The following DAZAP1 variants were observed in gnomAD, a reference collection of about 807,000 sequenced individuals.
DAZAP1 encodes the protein DAZ-associated protein 1.
DAZAP1 carries 6 observed loss-of-function variants against 60.1 expected under a neutral mutation model. The ratio of observed to expected loss-of-function variants is 0.10; its 90% CI spans 0.05 to 0.20. The LOEUF (loss-of-function observed/expected upper bound fraction) is 0.20. Among genes scored for constraint, DAZAP1 ranks in the 10% least tolerant of loss-of-function variants. DAZAP1 has a pLI of 1.00. For synonymous variants in DAZAP1, 235 were observed against 215.9 expected (o/e 1.09, Z -0.78); for missense variants, 366 against 560.4 (o/e 0.65, Z 3.50).
Position 1,433,534 on chromosome 19 carries a change from A to T in DAZAP1, c.1048+844A>T. 1.9e-6 allele frequency: 1 copy of T among 523,884 alleles called. No homozygotes were observed. The highest frequency in any genetic ancestry group is 3.4e-6 in the Non-Finnish European group (1 of 289,998). The allele number at this position is 523,884 out of a possible 1,614,324, so 32.5% of individuals were successfully genotyped here. ...CGAGGTGCCCGCCCACCCACCTCGC[A>T]TGGCTGTGGTTCCCCTGCCCCCACG... On this transcript the variant is annotated intron_variant, in intron 11 of 11. Coordinates refer to ENST00000233078, the MANE Select transcript of DAZAP1 (RefSeq NM_018959.4). The surrounding 1 kb of genome is among the most constrained non-coding windows in gnomAD (Gnocchi z 6.1).
chr19:1,421,488 C>G (rs1186097899), intron 5 of DAZAP1, among the ~76,000 whole-genome samples: 6 of 152,288 alleles, frequency 3.9e-5, no homozygotes, highest in African/African-American at 1.4e-4. Context: ...GTGAACCAGC[C>G]TGACAGCCTT....
intron 9 of DAZAP1, 43 bp from the exon 10 acceptor site, chr19:1,430,179 G>T: frequency 6.3e-7 from 1 of 1,578,982 alleles, no homozygotes. Flanking sequence ...AGTCTGTGTT[G>T]TCCAGCGCTC....
chr19:1,407,826 G>A, intron 1 of DAZAP1, 24 bp downstream of exon 1: 1 of 1,067,606 alleles, frequency 9.4e-7, no homozygotes, highest in Non-Finnish European at 1.1e-6. Flanking sequence ...GCGCGGGCCT[G>A]CGTCTCCGCC....
chr19:1,419,794 A>C (rs546561887), intron 4 of DAZAP1, among the ~76,000 whole-genome samples: 1 of 150,518 alleles, frequency 6.6e-6, no homozygotes, highest in Non-Finnish European at 1.5e-5. Flanking sequence ...GCACACACTC[A>C]TGAAACCATC....
rs1295516239 is a variant in DAZAP1 at position 1,434,965 on chromosome 19, A to C, written c.*53A>C. ...CCAGACCCAGGATTCCAAACTTGTGAACTCGTGACAATCACAAACTTGGCG... is the reference window on the plus strand; with the variant it reads ...CCAGACCCAGGATTCCAAACTTGTGCACTCGTGACAATCACAAACTTGGCG... On this transcript the variant is annotated 3_prime_UTR_variant, in exon 12 of 12. Coordinates refer to ENST00000233078, the MANE Select transcript of DAZAP1 (RefSeq NM_018959.4). This position sits in a 1 kb window ranked among gnomAD's most constrained non-coding sequence, Gnocchi z 8.0. The C allele has an allele frequency of 1.0e-6, 1 of 1,001,762 alleles. No homozygotes were observed. The highest frequency in any genetic ancestry group is 2.0e-5 in the African/African-American group (1 of 50,944). The allele number at this position is 1,001,762 out of a possible 1,614,324, so 62.1% of individuals were successfully genotyped here.
At chr19:1,413,263 T>G (rs971215883) in intron 1 of DAZAP1, among the ~76,000 whole-genome samples, 1 of 152,242 alleles carries the variant, frequency 6.6e-6, no homozygotes, top group Non-Finnish European at 1.5e-5. Flanking sequence ...CCCGGCTTCC[T>G]GGACTCCGAC....
intron 1 of DAZAP1, among the ~76,000 whole-genome samples, chr19:1,414,827 T>C (rs145283258): frequency 2.0e-5 from 3 of 152,052 alleles, no homozygotes; most frequent in African/African-American, 7.2e-5. Flanking sequence ...TTTTTTATTT[T>C]TTTTTTAATT....
chr19:1,430,358 G>A lies in DAZAP1; in HGVS notation c.867G>A (p.Gln289=), dbSNP rs377327408. 1.4e-5 allele frequency: 20 copies of A among 1,480,590 alleles called. No homozygotes were observed. In the African/African-American group the frequency reaches 2.0e-4, roughly 15 times the overall value. 91.7% of individuals were successfully genotyped at this position (1,480,590 alleles called of 1,614,324 possible). A position where few individuals can be genotyped will look rare whatever the true frequency, so the allele number is the denominator to read the frequency against. The change falls in exon 10 of 12, where the codon CAG becomes CAA. Residue 289 remains glutamine, a synonymous_variant. Transcript: ENST00000233078. ...CTCAGGGCTACGGTGCCCCGCCACA[G>A]TTCAGTAAGTCTAGGGGGCCTTGTG... The part of the protein sequence containing the change: ...GFPQGYGAPP[Q]FSFGYGPPPP...
chr19:1,430,172 CTG>C (rs763021171), intron 9 of DAZAP1, 48 bp from the exon 10 acceptor site: 1 of 1,566,596 alleles, frequency 6.4e-7, no homozygotes, highest in East Asian at 2.2e-5. Context: ...TGTGGCCAGT[CTG>C]TGTTGTCCAG....
Position 1,416,282 on chromosome 19 carries a change from G to A in DAZAP1, c.30-1218G>A, listed in dbSNP as rs759711729. 5 of 152,262 alleles carry A rather than the reference G, an allele frequency of 3.3e-5. No homozygotes were observed. The highest frequency in any genetic ancestry group is 5.9e-5 in the Non-Finnish European group (4 of 68,096). The allele number at this position is 152,262 out of a possible 1,614,324, so 9.4% of individuals were successfully genotyped here. A position where few individuals can be genotyped will look rare whatever the true frequency, so the allele number is the denominator to read the frequency against. Reference sequence around the variant, plus strand: ...TTGGCCGTCAGGGATACAGGGCCCCGCGTGGGAATGGTGCTTTCAGTGAGG... The same window carrying A: ...TTGGCCGTCAGGGATACAGGGCCCCACGTGGGAATGGTGCTTTCAGTGAGG... On this transcript the variant is annotated intron_variant, in intron 1 of 11. Transcript: ENST00000233078. This position sits in a 1 kb window ranked among gnomAD's most constrained non-coding sequence, Gnocchi z 4.3.
At chr19:1,419,931 G>GCAGTCACCCCACGCGCA (rs2083101944) in intron 4 of DAZAP1, among the ~76,000 whole-genome samples, 1 of 132,350 alleles carries the variant, frequency 7.6e-6, no homozygotes, top group African/African-American at 3.0e-5. Context: ...ACGGCAGCGA[G>GCAGTCACCCCACGCGCA]CACTCACCCC....
rs1443789704 is a variant in DAZAP1 at position 1,423,350 on chromosome 19, C to G, written c.463+954C>G. 6.6e-6 allele frequency among the ~76,000 whole-genome samples: 1 copy of G among 152,228 alleles called. No individual in the cohort carries two copies. The highest frequency in any genetic ancestry group is 2.4e-5 in the African/African-American group (1 of 41,456). On this transcript the variant is annotated intron_variant, in intron 6 of 11. Coordinates refer to ENST00000233078, the MANE Select transcript of DAZAP1 (RefSeq NM_018959.4). The surrounding 1 kb of genome is among the most constrained non-coding windows in gnomAD (Gnocchi z 6.8). The stretch of plus-strand genomic sequence containing the variant: ...TACTTAAGTGTTTCATAGTAAAGTA[C>G]AGTGATGTTAAGTAAGCTGTTTTTC...
Position 1,424,332 on chromosome 19 carries a change from CCCTCCCCCTCCT to C in DAZAP1, c.464-1534_464-1523del, listed in dbSNP as rs1401432569. On this transcript the variant is annotated intron_variant, in intron 6 of 11. Transcript: ENST00000233078. Reference sequence around the variant, plus strand: ...CTCCTCCTCTTCCTCCTCCTCTTCCCCCTCCCCCTCCTCCTCCCCCTCCCCCTCCCCCCTCCC... The same window carrying C: ...CTCCTCCTCTTCCTCCTCCTCTTCCCCCTCCCCCTCCCCCTCCCCCCTCCC... 5.1e-3 allele frequency among the ~76,000 whole-genome samples: 616 copies of C among 119,936 alleles called. 4 individuals are homozygous for C. Among genetic ancestry groups the C allele is most frequent in the Non-Finnish European group, 7.8e-3 (438 of 55,802 alleles). The allele number at this position is 119,936 out of a possible 152,430, so 78.7% of individuals were successfully genotyped here.
rs759678699 is a variant in DAZAP1 at position 1,428,898 on chromosome 19, A to G, written c.603A>G (p.Pro201=). ...RDSKSQAPGQ[P]GASQWGSRVV... ...GCAAGAGCCAAGCGCCGGGACAGCC[A>G]GGTGCCAGCCAGTGGGGGAGCCGGG... The change falls in exon 8 of 12, where the codon CCA becomes CCG. Residue 201 remains proline (P), a synonymous_variant. Coordinates refer to ENST00000233078, the MANE Select transcript of DAZAP1 (RefSeq NM_018959.4). The surrounding 1 kb of genome is among the most constrained non-coding windows in gnomAD (Gnocchi z 4.0). 5.0e-6 allele frequency: 8 copies of G among 1,613,026 alleles called. No homozygotes were observed. In the Admixed American group the frequency reaches 1.0e-4, roughly 20 times the overall value.
At position 1,410,617 on chromosome 19, in the gene DAZAP1, A is replaced by G. The variant is rs976908475; in HGVS notation, c.29+2815A>G. ...GACACAGCGCGGCCGGGGTCGCCAC[A>G]TCCTGTTGAGTAGCCGCTGGGTGCT... On this transcript the variant is annotated intron_variant, in intron 1 of 11. Coordinates refer to ENST00000233078, the MANE Select transcript of DAZAP1 (RefSeq NM_018959.4). Among the ~76,000 whole-genome samples, 37 of 152,178 alleles carry G rather than the reference A, an allele frequency of 2.4e-4. 1 individual carries two copies. Among genetic ancestry groups the G allele is most frequent in the Non-Finnish European group, 3.2e-4 (22 of 68,024 alleles).
rs947214743 is a variant in DAZAP1, at chr19:1,432,926, C to T, written c.1048+236C>T. The T allele has an allele frequency of 2.2e-5, 12 of 535,518 alleles. No homozygotes were observed. Among genetic ancestry groups the T allele is most frequent in the Admixed American group, 3.5e-5 (1 of 28,800 alleles). The allele number at this position is 535,518 out of a possible 1,614,324, so 33.2% of individuals were successfully genotyped here. On this transcript the variant is annotated intron_variant, in intron 11 of 11. Coordinates refer to ENST00000233078, the MANE Select transcript of DAZAP1 (RefSeq NM_018959.4). This position sits in a 1 kb window ranked among gnomAD's most constrained non-coding sequence, Gnocchi z 4.9. ...AGCACTCGTCATACAGCAGGTGCTGCAGGGCCTGCATGTGTGGGAACCTGA... is the reference window on the plus strand; with the variant it reads ...AGCACTCGTCATACAGCAGGTGCTGTAGGGCCTGCATGTGTGGGAACCTGA...
At chr19:1,417,563 GTGGGTAC>G in intron 2 of DAZAP1, 23 bp downstream of exon 2, 2 of 1,598,784 alleles carry the variant, frequency 1.3e-6, no homozygotes, top group Non-Finnish European at 1.7e-6. Context: ...GGGGTGTCAG[GTGGGTAC>G]TGCAGATGGG....
chr19:1,418,793 G>T lies in DAZAP1; in HGVS notation c.303+62G>T, dbSNP rs1023703853. Reference sequence around the variant, plus strand: ...TCCACTCCACGTGGAAAGGAAATGCGTGCCTTCAATCTGCTGTTGTCGCTC... The same window carrying T: ...TCCACTCCACGTGGAAAGGAAATGCTTGCCTTCAATCTGCTGTTGTCGCTC... On this transcript the variant is annotated intron_variant, in intron 4 of 11. Coordinates refer to ENST00000233078, the MANE Select transcript of DAZAP1 (RefSeq NM_018959.4). The surrounding 1 kb of genome is among the most constrained non-coding windows in gnomAD (Gnocchi z 5.7). 1 of 1,494,366 alleles carries T rather than the reference G, an allele frequency of 6.7e-7. No individual in the cohort carries two copies. The highest frequency in any genetic ancestry group is 9.0e-7 in the Non-Finnish European group (1 of 1,105,110). 92.6% of individuals were successfully genotyped at this position (1,494,366 alleles called of 1,614,324 possible).
rs1046256214 is a variant in DAZAP1, at chr19:1,426,150, C to T, written c.546+190C>T. On this transcript the variant is annotated intron_variant, in intron 7 of 11. Transcript: ENST00000233078. The surrounding 1 kb of genome is among the most constrained non-coding windows in gnomAD (Gnocchi z 5.4). ...CCATCCTTCCCCAGCACCCTTCCTG[C>T]GGGGTGGGGATCTCTCAGCTTTGCT... Among the ~76,000 whole-genome samples, 8 of 152,142 alleles carry T rather than the reference C, an allele frequency of 5.3e-5. No homozygotes were observed. The highest frequency in any genetic ancestry group is 3.9e-4 in the East Asian group (2 of 5,188).
Sources: allele counts gnomAD v4.1 joint callset (sites outside exome capture counted in the v4.1 genomes callset), GRCh38; gene constraint gnomAD v4.1.1; non-coding constraint Gnocchi (gnomAD v3.1); transcripts MANE v1.5; gene names NCBI Gene and HGNC (gene_info 2026-07-23, HGNC 2026-07-21).